OPCML: variants seen among roughly 807,000 people sequenced by gnomAD.
OPCML encodes opioid binding protein/cell adhesion molecule like.
A neutral mutation model predicts 37.8 loss-of-function variants in OPCML; 13 were observed. The ratio of observed to expected loss-of-function variants is 0.34; its 90% CI spans 0.22 to 0.55. The LOEUF (loss-of-function observed/expected upper bound fraction) is 0.55. OPCML is among the 20% of genes least tolerant of loss of function. OPCML has a pLI of 0.91. For synonymous variants in OPCML, 176 were observed against 168.8 expected (o/e 1.04, Z -0.33); for missense variants, 341 against 435.6 (o/e 0.78, Z 1.93).
At chr11:133,121,820 A>G (rs1237563069) in intron 1 of OPCML, among the ~76,000 whole-genome samples, 1 of 152,196 alleles carries the variant, frequency 6.6e-6, no homozygotes, top group Non-Finnish European at 1.5e-5. Context: ...ACCTTCTAAA[A>G]TATTTGAGAT....
At chr11:133,515,575 G>T (rs1948249475) in intron 1 of OPCML, among the ~76,000 whole-genome samples, 1 of 152,102 alleles carries the variant, frequency 6.6e-6, no homozygotes, top group Admixed American at 6.5e-5. Flanking sequence ...TCAAGAACAG[G>T]AACAGTACTG....
At chr11:132,579,310 G>A (rs568937154) in intron 3 of OPCML, among the ~76,000 whole-genome samples, 4 of 152,048 alleles carry the variant, frequency 2.6e-5, no homozygotes, top group Middle Eastern at 3.4e-3. Context: ...AAATTCACAC[G>A]CCTCAGTGAC....
At chr11:133,245,680 C>T (rs1051726433) in intron 1 of OPCML, among the ~76,000 whole-genome samples, 1 of 152,152 alleles carries the variant, frequency 6.6e-6, no homozygotes, top group Non-Finnish European at 1.5e-5. Flanking sequence ...AGTCAAGAAG[C>T]TTGGTGAGTT....
At chr11:132,867,922 G>A (rs1213194905) in intron 2 of OPCML, among the ~76,000 whole-genome samples, 1 of 152,124 alleles carries the variant, frequency 6.6e-6, no homozygotes. Flanking sequence ...AGTGAAGAAG[G>A]TCATAGAAAA....
At chr11:133,453,698 A>C (rs1417543626) in intron 1 of OPCML, among the ~76,000 whole-genome samples, 1 of 152,052 alleles carries the variant, frequency 6.6e-6, no homozygotes, top group Non-Finnish European at 1.5e-5. Flanking sequence ...GGTTCCACTC[A>C]CCAACCTTGA....
In OPCML at chr11:133,212,131, C is replaced by G. The variant is rs189710251; in HGVS notation, c.62-269121G>C. On this transcript the variant is annotated intron_variant, in intron 1 of 7. Coordinates refer to ENST00000524381, the MANE Select transcript of OPCML (RefSeq NM_001012393.5). The surrounding 1 kb of genome is among the most constrained non-coding windows in gnomAD (Gnocchi z 4.9). Reference sequence around the variant, plus strand: ...GTCAGGATCCTTCACCTGCTGGAACCTGAGCATGAAAGTACCCACACCACC... The same window carrying G: ...GTCAGGATCCTTCACCTGCTGGAACGTGAGCATGAAAGTACCCACACCACC... Among the ~76,000 whole-genome samples, 1 of 150,668 alleles carries G rather than the reference C, an allele frequency of 6.6e-6. No individual in the cohort carries two copies. Among genetic ancestry groups the G allele is most frequent in the East Asian group, 1.9e-4 (1 of 5,166 alleles).
intron 2 of OPCML, among the ~76,000 whole-genome samples, chr11:132,852,128 T>C (rs903649321): frequency 2.0e-5 from 3 of 152,176 alleles, no homozygotes; most frequent in Admixed American, 6.5e-5. Context: ...CAAACAGACC[T>C]TGTTAAAATA....
At chr11:132,745,075 C>G (rs966515488) in intron 2 of OPCML, among the ~76,000 whole-genome samples, 1 of 152,178 alleles carries the variant, frequency 6.6e-6, no homozygotes, top group Admixed American at 6.5e-5. Context: ...CGCTCTCACA[C>G]TCACACAGCC....
chr11:133,161,983 GTCTTTT>G (rs1950147931), intron 1 of OPCML, among the ~76,000 whole-genome samples: 1 of 78,018 alleles, frequency 1.3e-5, no homozygotes, highest in African/African-American at 5.1e-5. Flanking sequence ...GGCAGTCTCT[GTCTTTT>G]TTTTTTTTTT....
At chr11:133,526,852 G>A (rs574647175) in intron 1 of OPCML, among the ~76,000 whole-genome samples, 1 of 152,354 alleles carries the variant, frequency 6.6e-6, no homozygotes, top group South Asian at 2.1e-4. Flanking sequence ...ATCAGAAGGA[G>A]TGGGAGAGCA....
chr11:133,206,770 G>A lies in OPCML; in HGVS notation c.62-263760C>T, dbSNP rs1280447917. ...GAAACAAGAAATGCACTGCCTCGGCGGAGTCTTCTGGTCCGCAGGTTTGTG... is the reference window on the plus strand; with the variant it reads ...GAAACAAGAAATGCACTGCCTCGGCAGAGTCTTCTGGTCCGCAGGTTTGTG... On this transcript the variant is annotated intron_variant, in intron 1 of 7. Coordinates refer to ENST00000524381, the MANE Select transcript of OPCML (RefSeq NM_001012393.5). This position sits in a 1 kb window ranked among gnomAD's most constrained non-coding sequence, Gnocchi z 4.7. Among the ~76,000 whole-genome samples, 2 of 152,132 alleles carry A rather than the reference G, an allele frequency of 1.3e-5. No homozygotes were observed. The highest frequency in any genetic ancestry group is 2.4e-5 in the African/African-American group (1 of 41,416).
At chr11:132,555,998 G>A (rs1192994741) in intron 3 of OPCML, among the ~76,000 whole-genome samples, 8 of 152,100 alleles carry the variant, frequency 5.3e-5, no homozygotes. Flanking sequence ...GAGTGAAGTG[G>A]TGTGATCATG....
chr11:132,452,079 C>T (rs940039136), intron 4 of OPCML, among the ~76,000 whole-genome samples: 2 of 152,068 alleles, frequency 1.3e-5, no homozygotes, highest in South Asian at 2.1e-4. Context: ...GTTCTCAAAG[C>T]TGTAGAAGAA....
chr11:132,945,451 G>A (rs1191029197), intron 1 of OPCML, among the ~76,000 whole-genome samples: 2 of 152,236 alleles, frequency 1.3e-5, no homozygotes, highest in East Asian at 3.9e-4. Context: ...TGGTACATCT[G>A]TACAGGACAT....
At chr11:132,582,313 C>T (rs2096463786) in intron 3 of OPCML, among the ~76,000 whole-genome samples, 1 of 151,820 alleles carries the variant, frequency 6.6e-6, no homozygotes, top group Non-Finnish European at 1.5e-5. Context: ...AGATCATAAA[C>T]CTAAGTAAAC....
intron 3 of OPCML, among the ~76,000 whole-genome samples, chr11:132,614,769 C>T: frequency 6.6e-6 from 1 of 152,168 alleles, no homozygotes; most frequent in East Asian, 1.9e-4. Flanking sequence ...ATTTGGTGTT[C>T]TTAAAAGAGG....
chr11:133,373,448 T>TATATATATATATATATATATATATATAC (rs966091785), intron 1 of OPCML, among the ~76,000 whole-genome samples: 2 of 132,178 alleles, frequency 1.5e-5, no homozygotes, highest in Admixed American at 1.6e-4. Flanking sequence ...TATATATATA[T>TATATATATATATATATATATATATATAC]ACACACACAC....
intron 2 of OPCML, among the ~76,000 whole-genome samples, chr11:132,703,865 G>T (rs762363355): frequency 3.3e-5 from 5 of 152,180 alleles, no homozygotes; most frequent in Non-Finnish European, 5.9e-5. Flanking sequence ...ATCTAGCCTG[G>T]TGCTGAGGCA....
At chr11:133,036,169 C>T (rs11223335) in intron 1 of OPCML, among the ~76,000 whole-genome samples, 58,762 of 152,012 alleles carry the variant, frequency 0.39, 11,628 homozygotes, top group African/African-American at 0.43. Context: ...CCAGAAGTGG[C>T]TACTGGACAA....
Sources: allele counts gnomAD v4.1 joint callset (sites outside exome capture counted in the v4.1 genomes callset), GRCh38; gene constraint gnomAD v4.1.1; non-coding constraint Gnocchi (gnomAD v3.1); transcripts MANE v1.5; gene names NCBI Gene and HGNC (gene_info 2026-07-23, HGNC 2026-07-21).